PPP1R36: variants seen among roughly 807,000 people sequenced by gnomAD.
PPP1R36 encodes protein phosphatase 1 regulatory subunit 36.
A neutral mutation model predicts 53.4 loss-of-function variants in PPP1R36; 47 were observed. That is an observed-to-expected ratio of 0.88 (90% CI 0.70 to 1.12). The LOEUF (loss-of-function observed/expected upper bound fraction) is 1.12. PPP1R36 is among the 50% of genes most tolerant of loss of function. PPP1R36 has a pLI of 0.00. For missense variants in PPP1R36, 456 were observed against 513.9 expected (o/e 0.89, Z 1.09); for synonymous variants, 153 against 170.5 (o/e 0.90, Z 0.80).
intron 6 of PPP1R36, among the ~76,000 whole-genome samples, chr14:64,566,270 CA>C (rs1285494587): frequency 1.4e-5 from 2 of 144,072 alleles, no homozygotes; most frequent in African/African-American, 2.6e-5. Flanking sequence ...TCTCTCAGAC[CA>C]AAAAAAAAGA....
chr14:64,587,682 G>T (rs577046307), intron 10 of PPP1R36, among the ~76,000 whole-genome samples: 1 of 151,396 alleles, frequency 6.6e-6, no homozygotes, highest in Non-Finnish European at 1.5e-5. Flanking sequence ...AGCTGATCTC[G>T]AACTCCTAAC....
intron 3 of PPP1R36, among the ~76,000 whole-genome samples, chr14:64,558,249 G>T (rs979417875): frequency 3.3e-5 from 5 of 152,100 alleles, no homozygotes; most frequent in Admixed American, 2.6e-4. Flanking sequence ...AGTGGTTACA[G>T]GTGAGAATCT....
chr14:64,566,303 C>T (rs752651806), intron 6 of PPP1R36, among the ~76,000 whole-genome samples: 2 of 151,644 alleles, frequency 1.3e-5, no homozygotes, highest in African/African-American at 2.4e-5. Flanking sequence ...ATTAGCCAGG[C>T]GTGGTGGCAG....
At chr14:64,551,941 T>A (rs1205318165) in intron 2 of PPP1R36, among the ~76,000 whole-genome samples, 2 of 152,190 alleles carry the variant, frequency 1.3e-5, no homozygotes, top group Non-Finnish European at 2.9e-5. Context: ...GAAGACTAGT[T>A]GTAGGATTAC....
At chr14:64,577,892 A>AT (rs1566656910) in intron 8 of PPP1R36, among the ~76,000 whole-genome samples, 1 of 151,046 alleles carries the variant, frequency 6.6e-6, no homozygotes, top group African/African-American at 2.4e-5. Flanking sequence ...CGCCCGGCTA[A>AT]TTTTTTGTAT....
At chr14:64,572,102 A>G (rs1045557196) in intron 7 of PPP1R36, among the ~76,000 whole-genome samples, 26 of 152,204 alleles carry the variant, frequency 1.7e-4, no homozygotes, top group African/African-American at 6.3e-4. Context: ...TATATAAATA[A>G]TGATTGCATT....
At position 64,553,840 on chromosome 14, in the gene PPP1R36, AAC is replaced by A. The variant is rs933696546; in HGVS notation, c.182+981_182+982del. On this transcript the variant is annotated intron_variant, in intron 3 of 11. Coordinates refer to ENST00000298705, the MANE Select transcript of PPP1R36 (RefSeq NM_172365.3). ...GTTATAACTAAAAAAAAAAAAAAAAAACAACAACTCCAAACCCCGGACTACGT... is the reference window on the plus strand; with the variant it reads ...GTTATAACTAAAAAAAAAAAAAAAAAAACAACTCCAAACCCCGGACTACGT... Among the ~76,000 whole-genome samples, 58 of 149,670 alleles carry A rather than the reference AAC, an allele frequency of 3.9e-4. 1 individual carries two copies. The highest frequency in any genetic ancestry group is 2.5e-3 in the East Asian group (13 of 5,156).
At position 64,587,289 on chromosome 14, in the gene PPP1R36, C is replaced by A. The variant is rs1328011378; in HGVS notation, c.807C>A (p.Thr269=). The A allele has an allele frequency of 6.2e-7, 1 of 1,613,308 alleles. No individual in the cohort carries two copies. Among genetic ancestry groups the A allele is most frequent in the East Asian group, 2.2e-5 (1 of 44,880 alleles). Residue 269 remains threonine (T), a synonymous_variant, in exon 10 of 12, where the codon ACC becomes ACA. Transcript: ENST00000298705. ...IEEEVGRLFR[T]NMFNIPRRRR... ...AAGAAGTAGGGAGACTCTTTCGTAC[C>A]AATATGTTCAACATTCCTCGCAGGA... is the stretch of plus-strand genomic sequence containing the variant.
chr14:64,567,765 G>A (rs1324477704), intron 6 of PPP1R36, among the ~76,000 whole-genome samples: 2 of 152,022 alleles, frequency 1.3e-5, no homozygotes, highest in Admixed American at 6.6e-5. Context: ...GGGTTCAAGC[G>A]ATTCTCCTGC....
intron 6 of PPP1R36, among the ~76,000 whole-genome samples, chr14:64,566,137 G>A (rs1481749680): frequency 6.6e-6 from 1 of 152,042 alleles, no homozygotes; most frequent in Non-Finnish European, 1.5e-5. Flanking sequence ...GCGTGGTGGT[G>A]GGCGCCTGTA....
rs2080240988 is a variant in PPP1R36, at chr14:64,565,344, T to A, written c.270-13T>A. 6.3e-7 allele frequency: 1 copy of A among 1,590,302 alleles called. No individual in the cohort carries two copies. The highest frequency in any genetic ancestry group is 1.7e-5 in the Admixed American group (1 of 59,414). ...ATTAAAACACTACTAGAAACTGTTA[T>A]ATTCCAAAACAGGTTGACAGATAAA... On this transcript the variant is annotated splice_polypyrimidine_tract_variant and intron_variant, in intron 4 of 11. Coordinates refer to ENST00000298705, the MANE Select transcript of PPP1R36 (RefSeq NM_172365.3).
chr14:64,589,230 A>T lies in PPP1R36; in HGVS notation c.1161A>T (p.Lys387Asn). Residue 387 changes from lysine (K) to asparagine (N), a missense_variant, in exon 12 of 12, where the codon AAA becomes AAT. Lys to Asn is a moderately conservative substitution (Grantham distance 94). Coordinates refer to ENST00000298705, the MANE Select transcript of PPP1R36 (RefSeq NM_172365.3). ...CCCTTGATCCAGAAGAAAACACAAA[A>T]TCATTTGGGAGATATCCTTCCTTGA... is the stretch of plus-strand genomic sequence containing the variant. Reference protein sequence around the residue: ...LHPLDPEENTKSFGRYPSLME... With the variant: ...LHPLDPEENTNSFGRYPSLME... The T allele has an allele frequency of 6.2e-7, 1 of 1,613,994 alleles. No homozygotes were observed. Among genetic ancestry groups the T allele is most frequent in the Non-Finnish European group, 8.5e-7 (1 of 1,179,896 alleles).
At chr14:64,571,211 T>G (rs1447472979) in intron 7 of PPP1R36, among the ~76,000 whole-genome samples, 2 of 152,158 alleles carry the variant, frequency 1.3e-5, no homozygotes, top group African/African-American at 4.8e-5. Flanking sequence ...CTGTAACCTC[T>G]GCCTCCCGGG....
chr14:64,550,943 T>C lies in PPP1R36; in HGVS notation c.92T>C (p.Met31Thr). The change falls in exon 2 of 12, where the codon ATG becomes ACG. Residue 31 changes from methionine (M) to threonine (T), a missense_variant. Coordinates refer to ENST00000298705, the MANE Select transcript of PPP1R36 (RefSeq NM_172365.3). The part of the protein sequence containing the change: ...LMDQLGLRLG[M>T]WYWKDETRTL... ...CAGCAGTTGGGATTACGATTAGGGA[T>C]GTGGTACTGGAAAGATGAAACCAGA... 3.1e-6 allele frequency: 5 copies of C among 1,610,278 alleles called. No homozygotes were observed. Among genetic ancestry groups the C allele is most frequent in the Non-Finnish European group, 4.2e-6 (5 of 1,178,506 alleles).
intron 8 of PPP1R36, among the ~76,000 whole-genome samples, chr14:64,576,605 G>A (rs1467143254): frequency 6.6e-6 from 1 of 152,060 alleles, no homozygotes; most frequent in Non-Finnish European, 1.5e-5. Flanking sequence ...TTGTTTTGTT[G>A]GTTGTATCTT....
chr14:64,588,549 T>G, intron 11 of PPP1R36: 1 of 335,064 alleles, frequency 3.0e-6, no homozygotes. Flanking sequence ...GAGGAGTGAG[T>G]AACTGATTTT....
Position 64,574,355 on chromosome 14 carries a change from A to T in PPP1R36, c.534-100A>T. On this transcript the variant is annotated intron_variant, in intron 7 of 11. Coordinates refer to ENST00000298705, the MANE Select transcript of PPP1R36 (RefSeq NM_172365.3). ...AGGTAGCAGAGCAAGACTCTGTCTT[A>T]AAGAAAAGAAGAAAAGTTTATAATT... 2.4e-6 allele frequency: 3 copies of T among 1,247,882 alleles called. No individual in the cohort carries two copies. The South Asian group carries it at 4.4e-5, about 18-fold the overall frequency. The allele number at this position is 1,247,882 out of a possible 1,614,324, so 77.3% of individuals were successfully genotyped here.
At chr14:64,582,745 G>A (rs764148439) in intron 8 of PPP1R36, among the ~76,000 whole-genome samples, 28 of 152,160 alleles carry the variant, frequency 1.8e-4, no homozygotes, top group Non-Finnish European at 4.0e-4. Flanking sequence ...TCTCTTCACT[G>A]TGGCTACTAG....
chr14:64,577,871 G>T (rs1217757698), intron 8 of PPP1R36, among the ~76,000 whole-genome samples: 1 of 151,162 alleles, frequency 6.6e-6, no homozygotes, highest in Admixed American at 6.6e-5. Context: ...GACTACAGGC[G>T]CCCGCCACCA....
Sources: allele counts gnomAD v4.1 joint callset (sites outside exome capture counted in the v4.1 genomes callset), GRCh38; gene constraint gnomAD v4.1.1; transcripts MANE v1.5; gene names NCBI Gene and HGNC (gene_info 2026-07-23, HGNC 2026-07-21).